The following BCLAF3 variants were observed in gnomAD, a reference collection of about 807,000 sequenced individuals.
BCLAF3 encodes the protein BCLAF1 and THRAP3 family member 3, also known as transient octamer binding factor 1.
A neutral mutation model predicts 51.2 loss-of-function variants in BCLAF3; 24 were observed. That is an observed-to-expected ratio of 0.47 (90% CI 0.34 to 0.66). The LOEUF is 0.66. BCLAF3 is among the 30% of genes least tolerant of loss of function. The probability of loss-of-function intolerance (pLI) is 0.01; values close to 1 mark genes in which losing one functional copy is unlikely to be tolerated. For synonymous variants in BCLAF3, 152 were observed against 176.6 expected (o/e 0.86, Z 1.10); for missense variants, 465 against 525.1 (o/e 0.89, Z 1.12).
At chrX:19,934,519 C>T (rs2070684359) in intron 10 of BCLAF3, among the ~76,000 whole-genome samples, 1 of 112,362 alleles carries the variant, frequency 8.9e-6, no homozygotes, top group Admixed American at 9.5e-5. Flanking sequence ...ATTTTAGGTA[C>T]ATAAACCATT....
chrX:19,917,400 T>A, intron 11 of BCLAF3, 66 bp from the exon 12 acceptor site: 2 of 925,721 alleles, frequency 2.2e-6, no homozygotes, highest in Non-Finnish European at 3.1e-6. Flanking sequence ...GCTAGTTTTG[T>A]TTACACTGCA....
intron 8 of BCLAF3, among the ~76,000 whole-genome samples, chrX:19,941,155 T>C (rs1265751076): frequency 9.1e-6 from 1 of 109,388 alleles, no homozygotes; most frequent in Non-Finnish European, 1.9e-5. Context: ...GAGTTCATTG[T>C]AGATTCTGGA....
chrX:19,966,703 C>A, intron 2 of BCLAF3, 54 bp from the exon 3 acceptor site: 1 of 1,029,826 alleles, frequency 9.7e-7, no homozygotes, highest in South Asian at 2.2e-5. Context: ...AAGCGTGTCT[C>A]AATATGACCT....
intron 3 of BCLAF3, 149 bp from the exon 4 acceptor site, chrX:19,965,855 CAG>C: frequency 1.5e-6 from 1 of 645,750 alleles, no homozygotes; most frequent in Non-Finnish European, 2.3e-6. Context: ...AGGCACAAGG[CAG>C]TTAAAGAGGA....
chrX:19,978,976 T>C (rs1174687939), intron 1 of BCLAF3, among the ~76,000 whole-genome samples: 1 of 111,103 alleles, frequency 9.0e-6, no homozygotes, highest in African/African-American at 3.3e-5. Flanking sequence ...GAAATTGCCC[T>C]AGGCTGGGCG....
intron 1 of BCLAF3, among the ~76,000 whole-genome samples, chrX:19,989,843 G>A (rs1188100301): frequency 9.0e-6 from 1 of 110,736 alleles, no homozygotes; most frequent in Non-Finnish European, 1.9e-5. Flanking sequence ...ATATAAAAAT[G>A]TTTCTAATAA....
intron 10 of BCLAF3, among the ~76,000 whole-genome samples, chrX:19,932,625 GAGTTCA>G (rs1218221880): frequency 7.8e-5 from 8 of 102,916 alleles, no homozygotes; most frequent in African/African-American, 2.9e-4. Context: ...TCCGCCTCCT[GAGTTCA>G]AGCGATTCTC....
At chrX:19,963,202 C>G (rs1358049878) in intron 4 of BCLAF3, among the ~76,000 whole-genome samples, 3 of 89,731 alleles carry the variant, frequency 3.3e-5, no homozygotes, top group Non-Finnish European at 6.5e-5. Context: ...TTTTTTGAGA[C>G]AGAGTCTCAC....
Position 19,965,250 on chromosome X carries a change from A to G in BCLAF3, c.1068T>C (p.Asn356=), listed in dbSNP as rs758692982. 5.8e-6 allele frequency: 7 copies of G among 1,207,003 alleles called. No homozygotes were observed. The South Asian group carries it at 1.3e-4, about 22-fold the overall frequency. The change falls in exon 4 of 12, where the codon AAT becomes AAC. Residue 356 remains asparagine (N), a synonymous_variant. Coordinates refer to ENST00000379682, the MANE Select transcript of BCLAF3 (RefSeq NM_001367774.2). ...TAGATCGCAAATCAACATCATTTTT[A>G]TTTGAATAAGTACAGGCAATGCTGT... ...KKDSIACTYS[N]KNDVDLRSSN...
chrX:19,954,885 T>C (rs1016806199), intron 5 of BCLAF3, among the ~76,000 whole-genome samples: 1 of 111,684 alleles, frequency 9.0e-6, no homozygotes, highest in African/African-American at 3.3e-5. Context: ...ATGCAAACCA[T>C]TAAAAGTATT....
At chrX:19,918,245 T>C (rs1030058978) in intron 11 of BCLAF3, 4 of 111,571 alleles carry the variant, frequency 3.6e-5, no homozygotes, top group Non-Finnish European at 5.6e-5. Context: ...ACGTATATAT[T>C]TGTCAACATC....
chrX:19,941,548 T>C (rs1484346932), intron 8 of BCLAF3, among the ~76,000 whole-genome samples: 1 of 108,755 alleles, frequency 9.2e-6, no homozygotes, highest in Admixed American at 9.7e-5. Flanking sequence ...CCATTGCTTG[T>C]TTTTCTCGGG....
chrX:19,976,326 T>A (rs140978180), intron 1 of BCLAF3, among the ~76,000 whole-genome samples: 134 of 112,250 alleles, frequency 1.2e-3, no homozygotes, highest in African/African-American at 4.0e-3. Context: ...TATTTCACAC[T>A]CATGAGATTT....
intron 4 of BCLAF3, among the ~76,000 whole-genome samples, chrX:19,960,202 T>A (rs1281549874): frequency 9.0e-6 from 1 of 111,716 alleles, no homozygotes; most frequent in Non-Finnish European, 1.9e-5. Context: ...TATTTTAGTA[T>A]AAAATTTCTA....
intron 1 of BCLAF3, among the ~76,000 whole-genome samples, chrX:19,984,689 CTT>C (rs1314071005): frequency 9.5e-6 from 1 of 104,725 alleles, no homozygotes. Context: ...TAAAATTATA[CTT>C]TTTTTTTTTT....
intron 1 of BCLAF3, among the ~76,000 whole-genome samples, chrX:19,990,396 C>T (rs1208215108): frequency 2.6e-5 from 3 of 113,705 alleles, no homozygotes; most frequent in Non-Finnish European, 3.7e-5. Flanking sequence ...GCCTTCACTA[C>T]TCATTCTCGA....
chrX:19,949,804 C>T (rs1466060744), intron 8 of BCLAF3, among the ~76,000 whole-genome samples: 1 of 112,122 alleles, frequency 8.9e-6, no homozygotes, highest in Non-Finnish European at 1.9e-5. Flanking sequence ...AAACAATTAG[C>T]ACTGTCTCTT....
chrX:19,965,138 G>T lies in BCLAF3; in HGVS notation c.1180C>A (p.Gln394Lys), dbSNP rs41309713. ...NSSSNQLDKS[Q>K]KLPDVKPSPI... ...GAGGGTTTCACATCAGGAAGTTTTT[G>T]ACTTTTATCAAGTTGGTTACTGGAA... The change falls in exon 4 of 12, where the codon CAA becomes AAA. Residue 394 changes from glutamine (Q) to lysine (K), a missense_variant. Gln to Lys is a moderately conservative substitution (Grantham distance 53). Coordinates refer to ENST00000379682, the MANE Select transcript of BCLAF3 (RefSeq NM_001367774.2). 8,754 of 1,203,272 alleles carry T rather than the reference G, an allele frequency of 7.3e-3. 30 individuals carry two copies. The highest frequency in any genetic ancestry group is 8.7e-3 in the Non-Finnish European group (7,801 of 893,214).
Position 19,966,093 on chromosome X carries a change from A to C in BCLAF3, c.598T>G (p.Ser200Ala). ...GTTTTCCTATACCTCTTCTGAAATG[A>C]GCTCCTTGTCTCAAAGTCTTCAGAG... ...RGSEDFETRSSFQKRYPEDRD... is the reference protein window; with the variant it reads ...RGSEDFETRSAFQKRYPEDRD... Residue 200 changes from serine to alanine, a missense_variant, in exon 3 of 12, where the codon TCA becomes GCA. Transcript: ENST00000379682. 8.3e-7 allele frequency: 1 copy of C among 1,207,276 alleles called. No homozygotes were observed. The highest frequency in any genetic ancestry group is 1.1e-6 in the Non-Finnish European group (1 of 893,593).
Sources: allele counts gnomAD v4.1 joint callset (sites outside exome capture counted in the v4.1 genomes callset), GRCh38; gene constraint gnomAD v4.1.1; transcripts MANE v1.5; gene names NCBI Gene and HGNC (gene_info 2026-07-23, HGNC 2026-07-21).